Variants in AGPS observed in about 807,000 individuals in gnomAD.
AGPS encodes the protein alkyldihydroxyacetonephosphate synthase, peroxisomal.
A neutral mutation model predicts 90.7 loss-of-function variants in AGPS; 26 were observed. The ratio of observed to expected loss-of-function variants is 0.29; its 90% CI spans 0.21 to 0.40. The LOEUF (loss-of-function observed/expected upper bound fraction) is 0.40, where lower values mean the gene tolerates loss of function less well. AGPS is among the 10% of genes least tolerant of loss of function. The probability of loss-of-function intolerance (pLI) is 1.00; values close to 1 mark genes in which losing one functional copy is unlikely to be tolerated. For synonymous variants in AGPS, 294 were observed against 285.3 expected (o/e 1.03, Z -0.31); for missense variants, 540 against 816.1 (o/e 0.66, Z 4.12).
chr2:177,533,501 C>T (rs2079156120), intron 19 of AGPS, among the ~76,000 whole-genome samples: 1 of 152,088 alleles, frequency 6.6e-6, no homozygotes, highest in South Asian at 2.1e-4. Flanking sequence ...CTTCTAGCCT[C>T]AGGTATATCA....
intron 10 of AGPS, among the ~76,000 whole-genome samples, chr2:177,473,595 A>C (rs1687689701): frequency 6.6e-6 from 1 of 152,240 alleles, no homozygotes; most frequent in Non-Finnish European, 1.5e-5. Flanking sequence ...ATAATTAAGT[A>C]ATAAATAATT....
intron 11 of AGPS, among the ~76,000 whole-genome samples, chr2:177,490,674 T>C (rs1330545744): frequency 6.6e-6 from 1 of 152,036 alleles, no homozygotes; most frequent in East Asian, 1.9e-4. Context: ...GGAGCTTTCT[T>C]GCCTTTTTTC....
At chr2:177,474,195 C>G (rs1010639263) in intron 10 of AGPS, among the ~76,000 whole-genome samples, 5 of 152,048 alleles carry the variant, frequency 3.3e-5, no homozygotes, top group African/African-American at 1.2e-4. Flanking sequence ...AAAAATTTGC[C>G]TCCTATCCCT....
chr2:177,426,477 G>A (rs565059805), intron 2 of AGPS, among the ~76,000 whole-genome samples: 5 of 152,224 alleles, frequency 3.3e-5, no homozygotes, highest in African/African-American at 9.6e-5. Flanking sequence ...GCCGGTTTTC[G>A]AGGAGAATGC....
intron 8 of AGPS, among the ~76,000 whole-genome samples, chr2:177,448,590 G>T (rs185280698): frequency 6.6e-5 from 10 of 152,148 alleles, no homozygotes; most frequent in African/African-American, 2.4e-4. Flanking sequence ...CTTCTCTTCA[G>T]GAGATGGAAA....
intron 1 of AGPS, among the ~76,000 whole-genome samples, chr2:177,395,399 C>T (rs1290048769): frequency 6.6e-6 from 1 of 152,168 alleles, no homozygotes; most frequent in East Asian, 1.9e-4. Context: ...GTGGGAAGCC[C>T]TGGTCTTTGG....
At chr2:177,416,548 CGG>C (rs1306569188) in intron 1 of AGPS, among the ~76,000 whole-genome samples, 1 of 151,686 alleles carries the variant, frequency 6.6e-6, no homozygotes, top group Non-Finnish European at 1.5e-5. Context: ...TTTTTTGAGA[CGG>C]AGTCTTGTTC....
chr2:177,418,032 T>C (rs1485980725), intron 1 of AGPS, among the ~76,000 whole-genome samples: 1 of 152,114 alleles, frequency 6.6e-6, no homozygotes, highest in Non-Finnish European at 1.5e-5. Context: ...ATATGATTTA[T>C]GCATAATCCT....
Position 177,440,999 on chromosome 2 carries a change from A to G in AGPS, c.672A>G (p.Leu224=). ...ATGATGTAGTTAAGATTGTGAATCT[A>G]GCTTGCAAATATAATCTTTGTATCA... ...CHDDVVKIVN[L]ACKYNLCIIP... The change falls in exon 6 of 20, where the codon CTA becomes CTG. Residue 224 remains leucine (L), a synonymous_variant. Coordinates refer to ENST00000264167, the MANE Select transcript of AGPS (RefSeq NM_003659.4). The G allele has an allele frequency of 2.5e-6, 4 of 1,613,098 alleles. No individual in the cohort carries two copies. Among genetic ancestry groups the G allele is most frequent in the South Asian group, 1.1e-5 (1 of 91,006 alleles).
intron 19 of AGPS, among the ~76,000 whole-genome samples, chr2:177,532,953 A>G (rs1452673712): frequency 6.6e-6 from 1 of 152,176 alleles, no homozygotes; most frequent in Non-Finnish European, 1.5e-5. Context: ...TAAAAAAAAG[A>G]TTAGTGATTT....
chr2:177,465,756 G>A (rs1368723168), intron 9 of AGPS, among the ~76,000 whole-genome samples: 3 of 152,246 alleles, frequency 2.0e-5, no homozygotes, highest in African/African-American at 4.8e-5. Context: ...GCCCCAAAGA[G>A]TGAGCCATAG....
Position 177,543,167 on chromosome 2 carries a change from C to G in AGPS, c.*4972C>G, listed in dbSNP as rs1426612772. 1.3e-5 allele frequency: 2 copies of G among 152,136 alleles called. No homozygotes were observed. Among genetic ancestry groups the G allele is most frequent in the African/African-American group, 2.4e-5 (1 of 41,424 alleles). 9.4% of individuals were successfully genotyped at this position (152,136 alleles called of 1,614,324 possible). A position where few individuals can be genotyped will look rare whatever the true frequency, so the allele number is the denominator to read the frequency against. On this transcript the variant is annotated 3_prime_UTR_variant, in exon 20 of 20. Coordinates refer to ENST00000264167, the MANE Select transcript of AGPS (RefSeq NM_003659.4). ...CTAAGTTGTGGCTTGGTGGGTTTGG[C>G]ATTGAGCCTCAAGACACTCACTACA...
intron 3 of AGPS, among the ~76,000 whole-genome samples, chr2:177,435,150 G>A (rs1046584027): frequency 1.3e-5 from 2 of 151,348 alleles, no homozygotes; most frequent in African/African-American, 4.8e-5. Flanking sequence ...ATAGTATTCT[G>A]TATGTCTCTC....
At chr2:177,446,821 G>C (rs934498590) in intron 8 of AGPS, among the ~76,000 whole-genome samples, 29 of 152,198 alleles carry the variant, frequency 1.9e-4, no homozygotes, top group African/African-American at 6.7e-4. Context: ...CATCAGCTGG[G>C]TGAATATTGG....
chr2:177,414,205 GTTTC>G (rs1685720473), intron 1 of AGPS, among the ~76,000 whole-genome samples: 1 of 151,870 alleles, frequency 6.6e-6, no homozygotes, highest in Non-Finnish European at 1.5e-5. Context: ...GTTTTAAAAG[GTTTC>G]TTTCTTTTCT....
intron 2 of AGPS, among the ~76,000 whole-genome samples, chr2:177,429,820 G>T (rs1260538904): frequency 6.6e-6 from 1 of 152,232 alleles, no homozygotes; most frequent in Non-Finnish European, 1.5e-5. Flanking sequence ...TGGTGGAGCA[G>T]CTGTGCCATG....
Position 177,543,592 on chromosome 2 carries a change from T to C in AGPS, c.*5397T>C, listed in dbSNP as rs558625627. 2.6e-5 allele frequency: 4 copies of C among 152,364 alleles called. No homozygotes were observed. In the East Asian group the frequency reaches 7.7e-4, roughly 29 times the overall value. The allele number at this position is 152,364 out of a possible 1,614,324, so 9.4% of individuals were successfully genotyped here. A position where few individuals can be genotyped will look rare whatever the true frequency, so the allele number is the denominator to read the frequency against. On this transcript the variant is annotated 3_prime_UTR_variant, in exon 20 of 20. Transcript: ENST00000264167. ...CAAACAATTCTTCTCTTTACATTTA[T>C]AGTCTAAAAGGGGATATGCAGTGGG...
intron 8 of AGPS, among the ~76,000 whole-genome samples, chr2:177,452,721 C>T (rs1444228366): frequency 6.6e-6 from 1 of 151,884 alleles, no homozygotes; most frequent in African/African-American, 2.4e-5. Context: ...TATTCATTTT[C>T]TGTATTTCCC....
chr2:177,393,174 A>G, intron 1 of AGPS, 125 bp downstream of exon 1: 1 of 1,546,132 alleles, frequency 6.5e-7, no homozygotes, highest in East Asian at 2.4e-5. Flanking sequence ...GGTCCCTGAA[A>G]GTAGGGACCC....
Sources: allele counts gnomAD v4.1 joint callset (sites outside exome capture counted in the v4.1 genomes callset), GRCh38; gene constraint gnomAD v4.1.1; transcripts MANE v1.5; gene names NCBI Gene and HGNC (gene_info 2026-07-23, HGNC 2026-07-21).